Variants in VTI1A observed in about 807,000 individuals in gnomAD.
VTI1A encodes the protein vesicle transport through interaction with t-SNAREs 1A.
A neutral mutation model predicts 34.9 loss-of-function variants in VTI1A; 22 were observed. The ratio of observed to expected loss-of-function variants is 0.63; its 90% CI spans 0.45 to 0.90. VTI1A has a LOEUF of 0.90. Among genes scored for constraint, VTI1A ranks in the 40% least tolerant of loss-of-function variants. The probability of loss-of-function intolerance (pLI) is 0.00; values close to 1 mark genes in which losing one functional copy is unlikely to be tolerated. For synonymous variants in VTI1A, 87 were observed against 97.3 expected (o/e 0.89, Z 0.62); for missense variants, 268 against 275.6 (o/e 0.97, Z 0.20).
Position 112,806,164 on chromosome 10 carries a change from T to A in VTI1A, c.561-9126T>A, listed in dbSNP as rs113066797. 6.8e-3 allele frequency among the ~76,000 whole-genome samples: 1,036 copies of A among 152,286 alleles called. 5 individuals carry two copies. Among genetic ancestry groups the A allele is most frequent in the Non-Finnish European group, 0.011 (776 of 68,026 alleles). ...AAAACTCATCCCCACTGTGTCCCAG[T>A]CCCTCAGGTCTCTCGGATGACTGAC... On this transcript the variant is annotated intron_variant, in intron 7 of 7. Coordinates refer to ENST00000393077, the MANE Select transcript of VTI1A (RefSeq NM_145206.4).
chr10:112,522,490 G>A (rs1450934845), intron 3 of VTI1A, among the ~76,000 whole-genome samples: 4 of 152,002 alleles, frequency 2.6e-5, no homozygotes, highest in African/African-American at 4.8e-5. Flanking sequence ...TGAATGTTGC[G>A]GATTGCTGAT....
Position 112,817,121 on chromosome 10 carries a change from C to T in VTI1A, c.*1738C>T, listed in dbSNP as rs1041752635. ...TGTACGTGCTGACCACATCTAAGAA[C>T]CATTAAAAAGCAAGGAAACAAACAA... is the stretch of plus-strand genomic sequence containing the variant. On this transcript the variant is annotated 3_prime_UTR_variant, in exon 8 of 8. Transcript: ENST00000393077. 8.6e-6 allele frequency: 2 copies of T among 232,708 alleles called. No individual in the cohort carries two copies. Among genetic ancestry groups the T allele is most frequent in the Non-Finnish European group, 1.7e-5 (2 of 117,700 alleles). The allele number at this position is 232,708 out of a possible 1,614,324, so 14.4% of individuals were successfully genotyped here. A position where few individuals can be genotyped will look rare whatever the true frequency, so the allele number is the denominator to read the frequency against.
At chr10:112,791,519 C>T (rs560998451) in intron 7 of VTI1A, among the ~76,000 whole-genome samples, 3 of 152,252 alleles carry the variant, frequency 2.0e-5, no homozygotes, top group African/African-American at 7.2e-5. Flanking sequence ...TCTGAAAAAT[C>T]CCAGAAAGTG....
At chr10:112,489,296 T>C (rs1564797608) in intron 3 of VTI1A, among the ~76,000 whole-genome samples, 1 of 152,210 alleles carries the variant, frequency 6.6e-6, no homozygotes, top group Admixed American at 6.5e-5. Context: ...TATTGGAAGA[T>C]ACAAGGTACT....
chr10:112,460,582 G>A lies in VTI1A; in HGVS notation c.153G>A (p.Leu51=), dbSNP rs1373388424. The A allele has an allele frequency of 1.2e-6, 2 of 1,604,828 alleles. No individual in the cohort carries two copies. Among genetic ancestry groups the A allele is most frequent in the Admixed American group, 3.4e-5 (2 of 58,722 alleles). Residue 51 remains leucine, a splice_region_variant and synonymous_variant, in exon 2 of 8, where the codon CTG becomes CTA. Transcript: ENST00000393077. ...AACAGCTTGAAGAAGCGAAAGAACT[G>A]GTATGTACAGACAGTAATGTATTTT... ...VEKQLEEAKE[L]LEQMDLEVRE... is the part of the protein sequence containing the mutation.
intron 5 of VTI1A, among the ~76,000 whole-genome samples, chr10:112,618,524 T>TATATAGAGAGAGAGAGAGAGAGAGAGAG (rs748276058): frequency 4.0e-4 from 14 of 34,570 alleles, no homozygotes; most frequent in African/African-American, 9.8e-4. Flanking sequence ...TATATATATA[T>TATATAGAGAGAGAGAGAGAGAGAGAGAG]AGAGAGAGAG....
intron 7 of VTI1A, among the ~76,000 whole-genome samples, chr10:112,734,164 AG>A (rs1166696881): frequency 2.0e-5 from 3 of 152,030 alleles, no homozygotes; most frequent in Non-Finnish European, 4.4e-5. Context: ...AGTACTCTCC[AG>A]TGGCTCCTCC....
At chr10:112,855,112 T>C in the VTI1A span, among the ~76,000 whole-genome samples, 27 of 152,092 alleles carry the variant, frequency 1.8e-4, no homozygotes, top group African/African-American at 5.5e-4. Flanking sequence ...AAGCTCGACC[T>C]GGGATGGGAA....
At chr10:112,574,641 A>G (rs1046842871) in intron 5 of VTI1A, among the ~76,000 whole-genome samples, 3 of 152,188 alleles carry the variant, frequency 2.0e-5, no homozygotes, top group Non-Finnish European at 4.4e-5. Flanking sequence ...TAAAGTGCTT[A>G]TTGTTTAAAT....
intron 7 of VTI1A, among the ~76,000 whole-genome samples, chr10:112,769,342 C>T (rs138213647): frequency 2.0e-4 from 30 of 152,326 alleles, no homozygotes; most frequent in Non-Finnish European, 1.8e-4. Context: ...AAGGATTCTA[C>T]GCTGCCTCTG....
At chr10:112,599,185 C>T (rs1416912671) in intron 5 of VTI1A, among the ~76,000 whole-genome samples, 1 of 152,038 alleles carries the variant, frequency 6.6e-6, no homozygotes, top group African/African-American at 2.4e-5. Flanking sequence ...TCAAAAGGCC[C>T]GAAACAAGAA....
At chr10:112,450,389 T>G (rs1847193086) in intron 1 of VTI1A, 1 of 152,194 alleles carries the variant, frequency 6.6e-6, no homozygotes, top group Non-Finnish European at 1.5e-5. Context: ...TGACAAGTAA[T>G]TATAATCTCT....
intron 5 of VTI1A, among the ~76,000 whole-genome samples, chr10:112,569,729 G>A (rs1852047085): frequency 6.6e-6 from 1 of 152,080 alleles, no homozygotes; most frequent in Non-Finnish European, 1.5e-5. Flanking sequence ...TAGTGCCTGG[G>A]TGCCTACTAA....
At chr10:112,634,749 C>A (rs922661432) in intron 5 of VTI1A, among the ~76,000 whole-genome samples, 1 of 152,102 alleles carries the variant, frequency 6.6e-6, no homozygotes. Context: ...CTTCCACATT[C>A]TTTTCTTTAT....
intron 5 of VTI1A, among the ~76,000 whole-genome samples, chr10:112,623,471 T>G (rs905471595): frequency 6.6e-6 from 1 of 151,724 alleles, no homozygotes; most frequent in African/African-American, 2.4e-5. Flanking sequence ...TCTCTGAATC[T>G]TTTCTTTCCT....
the VTI1A span, among the ~76,000 whole-genome samples, chr10:112,829,190 A>G: frequency 6.6e-6 from 1 of 152,192 alleles, no homozygotes; most frequent in Non-Finnish European, 1.5e-5. Context: ...CACGCCTGTA[A>G]TCCCAGCACT....
At chr10:112,752,683 C>T (rs2133994388) in intron 7 of VTI1A, 2 of 515,538 alleles carry the variant, frequency 3.9e-6, no homozygotes, top group Non-Finnish European at 5.0e-6. Context: ...GTTGCCTCCA[C>T]TTAGGAAACT....
At chr10:112,550,193 A>G (rs763970617) in intron 5 of VTI1A, among the ~76,000 whole-genome samples, 4 of 152,232 alleles carry the variant, frequency 2.6e-5, no homozygotes, top group Non-Finnish European at 2.9e-5. Context: ...GAGTTTAGAA[A>G]AAGAATGAAG....
chr10:112,534,757 G>A (rs1323139299), intron 4 of VTI1A, among the ~76,000 whole-genome samples: 1 of 152,112 alleles, frequency 6.6e-6, no homozygotes, highest in African/African-American at 2.4e-5. Context: ...CAGTTTTGAT[G>A]TATAAGATTA....
Sources: gnomAD v4.1 joint callset for allele counts (sites outside exome capture counted in the v4.1 genomes callset) on GRCh38, gnomAD v4.1.1 for gene constraint, MANE v1.5 for transcripts, NCBI Gene and HGNC (gene_info 2026-07-23, HGNC 2026-07-21) for gene names.